The following EXOC3L4 variants were observed in gnomAD, a reference collection of about 807,000 sequenced individuals.
EXOC3L4 encodes exocyst complex component 3 like 4.
Under a neutral mutation model 69.7 loss-of-function variants are expected in EXOC3L4, and 62 were observed. That is an observed-to-expected ratio of 0.89 (90% CI 0.72 to 1.10). EXOC3L4 has a LOEUF of 1.10. Ranked by LOEUF, EXOC3L4 falls within the 50% of genes least tolerant of loss-of-function variation. EXOC3L4 has a pLI of 0.00. For missense variants in EXOC3L4, 1,087 were observed against 1,034.8 expected, an observed-to-expected ratio of 1.05 and a Z score of -0.69; for synonymous variants, 502 against 464.2, an observed-to-expected ratio of 1.08 and a Z score of -1.05.
In EXOC3L4 at chr14:103,103,310, G is replaced by A. The variant is rs183420523; in HGVS notation, c.1049+538G>A. 5.3e-3 allele frequency among the ~76,000 whole-genome samples: 723 copies of A among 136,994 alleles called. 7 individuals are homozygous for A. Among genetic ancestry groups the A allele is most frequent in the African/African-American group, 0.019 (696 of 35,964 alleles). 89.9% of individuals were successfully genotyped at this position (136,994 alleles called of 152,430 possible). A position where few individuals can be genotyped will look rare whatever the true frequency, so the allele number is the denominator to read the frequency against. On this transcript the variant is annotated intron_variant, in intron 3 of 11. Coordinates refer to ENST00000688303, the MANE Select transcript of EXOC3L4 (RefSeq NM_001077594.2). ...GCGGAGGTTGCAGTGAGCCGAGGTC[G>A]CGCTATTGCACTCCAGCATGGGCGA...
rs1889931647 is a variant in EXOC3L4 at position 103,097,186 on chromosome 14, C to T, written c.-17+2346C>T. Among the ~76,000 whole-genome samples the T allele has an allele frequency of 6.6e-6, 1 of 151,808 alleles. No homozygotes were observed. Among genetic ancestry groups the T allele is most frequent in the Admixed American group, 6.6e-5 (1 of 15,242 alleles). On this transcript the variant is annotated intron_variant, in intron 1 of 11. Coordinates refer to ENST00000688303, the MANE Select transcript of EXOC3L4 (RefSeq NM_001077594.2). The surrounding 1 kb of genome is among the most constrained non-coding windows in gnomAD (Gnocchi z 4.9). ...CTTCTCGGACACAGCTAGGGTGGCC[C>T]AGGGTGGGAGCTCTCAGTGACTGTG...
At chr14:103,103,762 AG>A in intron 3 of EXOC3L4, 178 bp from the exon 4 acceptor site, 1 of 509,298 alleles carries the variant, frequency 2.0e-6, no homozygotes, top group Non-Finnish European at 3.4e-6. Flanking sequence ...GCTTCCCGGG[AG>A]GGGGTGTGGC....
chr14:103,106,840 G>T lies in EXOC3L4; in HGVS notation c.1522G>T (p.Val508Leu). 8 of 1,596,358 alleles carry T rather than the reference G, an allele frequency of 5.0e-6. No individual in the cohort carries two copies. Among genetic ancestry groups the T allele is most frequent in the Non-Finnish European group, 6.8e-6 (8 of 1,170,784 alleles). Residue 508 changes from valine to leucine, a missense_variant, in exon 8 of 12, where the codon GTG (valine) becomes TTG (leucine). Val to Leu is a conservative substitution (Grantham distance 32). Coordinates refer to ENST00000688303, the MANE Select transcript of EXOC3L4 (RefSeq NM_001077594.2). ...GTQEELEKPL[V>L]TATCSFQKHL... ...CCAAGAGGAGCTGGAGAAGCCCCTG[G>T]TGACGGCCACCTGCAGCTTCCAGAA...
intron 2 of EXOC3L4, among the ~76,000 whole-genome samples, chr14:103,101,745 G>C (rs1290705961): frequency 6.6e-6 from 1 of 152,206 alleles, no homozygotes; most frequent in African/African-American, 2.4e-5. Flanking sequence ...AGCTGGACAC[G>C]GGCAGGACAC....
At chr14:103,104,922 T>A in intron 6 of EXOC3L4, 70 bp from the exon 7 acceptor site, 11 of 1,572,878 alleles carry the variant, frequency 7.0e-6, no homozygotes, top group Non-Finnish European at 9.5e-6. Context: ...GGGACCTGAT[T>A]GGGAGGGTGG....
chr14:103,103,998 C>T lies in EXOC3L4; in HGVS notation c.1107C>T (p.Leu369=), dbSNP rs748311984. The T allele has an allele frequency of 1.3e-6, 2 of 1,576,164 alleles. No homozygotes were observed. The highest frequency in any genetic ancestry group is 4.6e-5 in the East Asian group (2 of 43,204). ...LALPAEPLPP[L]LAPDVWARLE... ...TGCCCGCCGAGCCGCTGCCTCCGCT[C>T]CTGGCGCCGGACGTGTGGGCCCGAC... Residue 369 remains leucine, a synonymous_variant, in exon 4 of 12, where the codon CTC becomes CTT. Coordinates refer to ENST00000688303, the MANE Select transcript of EXOC3L4 (RefSeq NM_001077594.2).
chr14:103,096,705 C>T (rs760943817), intron 1 of EXOC3L4, among the ~76,000 whole-genome samples: 3 of 152,214 alleles, frequency 2.0e-5, no homozygotes, highest in South Asian at 2.1e-4. Flanking sequence ...CATTCTTAGT[C>T]GGACTAGGAA....
rs1458610310 is a variant in EXOC3L4, at chr14:103,110,034, G to T, written c.1980G>T (p.Arg660=). ...GAGTGCCCGCATGTCTCTGCAGGCGGGACCACATACTGGCCATTCTGGCGC... is the reference window on the plus strand; with the variant it reads ...GAGTGCCCGCATGTCTCTGCAGGCGTGACCACATACTGGCCATTCTGGCGC... The part of the protein sequence containing the change: ...TLIRSYPDIR[R]DHILAILALR... The change falls in exon 12 of 12, where the codon CGG becomes CGT. Residue 660 remains arginine (R), a synonymous_variant. Coordinates refer to ENST00000688303, the MANE Select transcript of EXOC3L4 (RefSeq NM_001077594.2). 3.1e-6 allele frequency: 5 copies of T among 1,594,226 alleles called. No individual in the cohort carries two copies. Among genetic ancestry groups the T allele is most frequent in the South Asian group, 1.1e-5 (1 of 88,174 alleles).
Position 103,102,790 on chromosome 14 carries a change from C to T in EXOC3L4, c.1049+18C>T, listed in dbSNP as rs939467031. 11 of 1,324,018 alleles carry T rather than the reference C, an allele frequency of 8.3e-6. No individual in the cohort carries two copies. Among genetic ancestry groups the T allele is most frequent in the South Asian group, 2.0e-5 (1 of 49,008 alleles). 82.0% of individuals were successfully genotyped at this position (1,324,018 alleles called of 1,614,324 possible). A position where few individuals can be genotyped will look rare whatever the true frequency, so the allele number is the denominator to read the frequency against. ...TACGGCAGGTGAGTCTCGGCCAGGG[C>T]GCCCAGTGGCGAGGACAGCTGCCGC... On this transcript the variant is annotated intron_variant, in intron 3 of 11. Coordinates refer to ENST00000688303, the MANE Select transcript of EXOC3L4 (RefSeq NM_001077594.2).
intron 2 of EXOC3L4, 149 bp from the exon 3 acceptor site, chr14:103,101,969 T>A (rs1890208434): frequency 1.5e-5 from 13 of 853,392 alleles, no homozygotes; most frequent in Non-Finnish European, 1.9e-5. Flanking sequence ...GGGCCTGTTG[T>A]TCCTGGAGCA....
intron 8 of EXOC3L4, 47 bp from the exon 9 acceptor site, chr14:103,107,373 ACGTT>A (rs1174127649): frequency 6.3e-7 from 1 of 1,589,116 alleles, no homozygotes; most frequent in Admixed American, 1.7e-5. Context: ...GGGAGGGGTT[ACGTT>A]GCGGGCGTAG....
intron 4 of EXOC3L4, 56 bp from the exon 5 acceptor site, chr14:103,104,211 C>T: frequency 1.3e-6 from 2 of 1,485,820 alleles, no homozygotes; most frequent in South Asian, 1.4e-5. Context: ...TCATCCCGGA[C>T]GGCGCGGGAC....
intron 11 of EXOC3L4, 146 bp downstream of exon 11, chr14:103,108,663 A>T: frequency 8.9e-7 from 1 of 1,121,432 alleles, no homozygotes; most frequent in Non-Finnish European, 1.3e-6. Flanking sequence ...TCAGACCCTC[A>T]AGGCTGGAGG....
chr14:103,100,117 T>G, intron 1 of EXOC3L4, 87 bp from the exon 2 acceptor site: 1 of 1,396,430 alleles, frequency 7.2e-7, no homozygotes, highest in Non-Finnish European at 9.4e-7. Context: ...GAGCCTTCCT[T>G]GACCAAGCCC....
chr14:103,104,675 A>G, intron 5 of EXOC3L4, 63 bp from the exon 6 acceptor site: 1 of 1,365,922 alleles, frequency 7.3e-7, no homozygotes, highest in Non-Finnish European at 9.6e-7. Flanking sequence ...GGGGGCTACC[A>G]GGGGACCCGC....
At chr14:103,105,109 C>A in intron 7 of EXOC3L4, 37 bp downstream of exon 7, 2 of 1,571,812 alleles carry the variant, frequency 1.3e-6, no homozygotes, top group Non-Finnish European at 1.7e-6. Flanking sequence ...CGCAGCGTGG[C>A]CAGCAGGGGG....
In EXOC3L4 at chr14:103,097,138, A is replaced by C. The variant is rs1339114499; in HGVS notation, c.-17+2298A>C. On this transcript the variant is annotated intron_variant, in intron 1 of 11. Transcript: ENST00000688303. The surrounding 1 kb of genome is among the most constrained non-coding windows in gnomAD (Gnocchi z 4.9). ...GTAGAAGCTGAGGCTGGGGGTAGGGAGGGTGGGGAAGTTCGGACTTGACTT... is the reference window on the plus strand; with the variant it reads ...GTAGAAGCTGAGGCTGGGGGTAGGGCGGGTGGGGAAGTTCGGACTTGACTT... Among the ~76,000 whole-genome samples the C allele has an allele frequency of 5.4e-5, 1 of 18,570 alleles. No individual in the cohort carries two copies. Among genetic ancestry groups the C allele is most frequent in the Non-Finnish European group, 1.0e-4 (1 of 9,582 alleles). The allele number at this position is 18,570 out of a possible 152,430, so 12.2% of individuals were successfully genotyped here.
chr14:103,098,124 T>C (rs1261863494), intron 1 of EXOC3L4, among the ~76,000 whole-genome samples: 1 of 152,034 alleles, frequency 6.6e-6, no homozygotes, highest in Non-Finnish European at 1.5e-5. Context: ...TTCAGCGAAG[T>C]TCTGGTTTGG....
intron 7 of EXOC3L4, among the ~76,000 whole-genome samples, chr14:103,105,396 G>A (rs569009860): frequency 2.1e-4 from 32 of 151,744 alleles, no homozygotes; most frequent in Admixed American, 1.4e-3. Context: ...GAGCTAAGAG[G>A]TGTTTATGCA....
Sources: allele counts gnomAD v4.1 joint callset (sites outside exome capture counted in the v4.1 genomes callset), GRCh38; gene constraint gnomAD v4.1.1; non-coding constraint Gnocchi (gnomAD v3.1); transcripts MANE v1.5; gene names NCBI Gene and HGNC (gene_info 2026-07-23, HGNC 2026-07-21).